The following GRID2 variants were observed in gnomAD, a reference collection of about 807,000 sequenced individuals.
GRID2 encodes glutamate receptor ionotropic, delta-2.
In GRID2, 33 loss-of-function variants were observed where a neutral mutation model predicts 114.8. That is an observed-to-expected ratio of 0.29 (90% CI 0.22 to 0.38). The LOEUF is 0.38. GRID2 is among the 10% of genes least tolerant of loss of function. The pLI is 1.00. For missense variants in GRID2, 1,184 were observed against 1,257.7 expected, an observed-to-expected ratio of 0.94 and a Z score of 0.89; for synonymous variants, 505 against 449.9, an observed-to-expected ratio of 1.12 and a Z score of -1.55.
At chr4:93,592,187 G>T (rs1578340046) in intron 13 of GRID2, among the ~76,000 whole-genome samples, 1 of 151,598 alleles carries the variant, frequency 6.6e-6, no homozygotes, top group Non-Finnish European at 1.5e-5. Flanking sequence ...TTCTCTTGTG[G>T]GCATTTAGTG....
chr4:93,498,610 T>C (rs920074683), intron 12 of GRID2, among the ~76,000 whole-genome samples: 1 of 151,912 alleles, frequency 6.6e-6, no homozygotes, highest in Non-Finnish European at 1.5e-5. Context: ...TGGTAGATCC[T>C]TTCGGATTTC....
At chr4:93,038,128 C>T (rs367571521) in intron 2 of GRID2, among the ~76,000 whole-genome samples, 26 of 151,924 alleles carry the variant, frequency 1.7e-4, no homozygotes, top group African/African-American at 5.8e-4. Flanking sequence ...TCCTCTCTTA[C>T]TTCCTTGAGC....
Position 93,407,676 on chromosome 4 carries a change from A to ATTT in GRID2, c.1347+11978_1347+11980dup, listed in dbSNP as rs34308935. 9.1e-3 allele frequency among the ~76,000 whole-genome samples: 1,282 copies of ATTT among 140,268 alleles called. 29 individuals are homozygous for ATTT. Among genetic ancestry groups the ATTT allele is most frequent in the African/African-American group, 0.032 (1,201 of 37,062 alleles). 92.0% of individuals were successfully genotyped at this position (140,268 alleles called of 152,430 possible). Reference sequence around the variant, plus strand: ...CAAAGGAACTTTACAATTTTTCAGAATTTTTTTTTTTTCATGTTTGGAAGG... The same window carrying ATTT: ...CAAAGGAACTTTACAATTTTTCAGAATTTTTTTTTTTTTTTCATGTTTGGAAGG... On this transcript the variant is annotated intron_variant, in intron 9 of 15. Coordinates refer to ENST00000282020, the MANE Select transcript of GRID2 (RefSeq NM_001510.4).
chr4:93,497,557 C>T (rs545228700), intron 12 of GRID2, among the ~76,000 whole-genome samples: 4 of 151,648 alleles, frequency 2.6e-5, no homozygotes, highest in African/African-American at 9.7e-5. Context: ...CGTTTAGGTT[C>T]AATTTTTCAC....
chr4:93,367,940 C>G (rs188201740), intron 8 of GRID2, among the ~76,000 whole-genome samples: 5 of 151,920 alleles, frequency 3.3e-5, no homozygotes, highest in Admixed American at 6.6e-5. Context: ...TCAGGAGACA[C>G]CAGTGATTAC....
chr4:93,293,058 A>G (rs1753912782), intron 8 of GRID2, among the ~76,000 whole-genome samples: 1 of 152,198 alleles, frequency 6.6e-6, no homozygotes. Flanking sequence ...GAAGCAAATC[A>G]GTCCTGCTGC....
At chr4:93,265,730 G>A (rs1449038340) in intron 8 of GRID2, among the ~76,000 whole-genome samples, 1 of 152,152 alleles carries the variant, frequency 6.6e-6, no homozygotes, top group Non-Finnish European at 1.5e-5. Context: ...GAGTGACAGT[G>A]ATTGTGGTGG....
chr4:93,447,152 A>T (rs1036496183), intron 10 of GRID2, among the ~76,000 whole-genome samples: 3 of 151,958 alleles, frequency 2.0e-5, no homozygotes, highest in African/African-American at 7.2e-5. Context: ...ATAAAAACTA[A>T]AAGTATAGAC....
chr4:92,735,376 A>G (rs1736542616), intron 2 of GRID2, among the ~76,000 whole-genome samples: 1 of 152,120 alleles, frequency 6.6e-6, no homozygotes, highest in Non-Finnish European at 1.5e-5. Context: ...CTAATAAGAT[A>G]CAACAATTAT....
chr4:92,643,052 C>T lies in GRID2; in HGVS notation c.244+52766C>T, dbSNP rs2149255094. Among the ~76,000 whole-genome samples, 5 of 151,638 alleles carry T rather than the reference C, an allele frequency of 3.3e-5. No individual in the cohort carries two copies. The South Asian group carries it at 1.0e-3, about 31-fold the overall frequency. ...ATGTGATGCATCTAGCTTTATTCTT[C>T]TTGCTTGGGATTGTTTTGGTTATTT... is the stretch of plus-strand genomic sequence containing the variant. On this transcript the variant is annotated intron_variant, in intron 2 of 15. Coordinates refer to ENST00000282020, the MANE Select transcript of GRID2 (RefSeq NM_001510.4).
intron 2 of GRID2, among the ~76,000 whole-genome samples, chr4:92,729,297 C>G (rs571027038): frequency 3.9e-5 from 6 of 152,208 alleles, no homozygotes; most frequent in Admixed American, 2.6e-4. Flanking sequence ...ATCTACTCCA[C>G]TTGTGTCCTC....
intron 2 of GRID2, among the ~76,000 whole-genome samples, chr4:92,762,705 C>G (rs571379524): frequency 7.9e-5 from 12 of 152,266 alleles, no homozygotes; most frequent in African/African-American, 2.9e-4. Context: ...AAGCTCAAGT[C>G]ATATTTGTTG....
intron 6 of GRID2, 114 bp from the exon 7 acceptor site, chr4:93,224,500 A>G (rs539987809): frequency 9.5e-6 from 6 of 628,436 alleles, no homozygotes; most frequent in Admixed American, 6.0e-5. Context: ...TTAATAACCC[A>G]GTAAACCAGC....
chr4:92,754,004 A>G (rs62310234), intron 2 of GRID2, among the ~76,000 whole-genome samples: 7,977 of 152,308 alleles, frequency 0.052, 258 homozygotes, highest in African/African-American at 0.093. Context: ...TTTGTTCTCC[A>G]TCATTTCCAA....
intron 3 of GRID2, among the ~76,000 whole-genome samples, chr4:93,087,250 C>G (rs1329712750): frequency 6.6e-6 from 1 of 151,758 alleles, no homozygotes; most frequent in East Asian, 1.9e-4. Flanking sequence ...ACGTGTTAGC[C>G]AGGATGGTCT....
At chr4:93,491,266 A>T (rs2149460726) in intron 12 of GRID2, among the ~76,000 whole-genome samples, 1 of 151,990 alleles carries the variant, frequency 6.6e-6, no homozygotes, top group South Asian at 2.1e-4. Context: ...AAATTATAGT[A>T]TTTCAGTAAC....
At chr4:93,167,630 C>T (rs543637305) in intron 4 of GRID2, among the ~76,000 whole-genome samples, 1 of 152,106 alleles carries the variant, frequency 6.6e-6, no homozygotes, top group Non-Finnish European at 1.5e-5. Flanking sequence ...TTAAAATACA[C>T]TAAAAAGAAA....
intron 1 of GRID2, among the ~76,000 whole-genome samples, chr4:92,402,805 CAAGAGAGTCAGCATATCCTTTG>C (rs1730852450): frequency 6.6e-6 from 1 of 152,202 alleles, no homozygotes; most frequent in Non-Finnish European, 1.5e-5. Flanking sequence ...TAGTCTCTAA[CAAGAGAGTCAGCATATCCTTTG>C]AAGCTTCGAA....
intron 2 of GRID2, among the ~76,000 whole-genome samples, chr4:92,974,143 T>A (rs1753702277): frequency 6.6e-6 from 1 of 152,090 alleles, no homozygotes; most frequent in South Asian, 2.1e-4. Flanking sequence ...TAAGATACCA[T>A]CTCACGCCAG....
Sources: allele counts gnomAD v4.1 joint callset (sites outside exome capture counted in the v4.1 genomes callset), GRCh38; gene constraint gnomAD v4.1.1; transcripts MANE v1.5; gene names NCBI Gene and HGNC (gene_info 2026-07-23, HGNC 2026-07-21).